Variants in MYCBP2 observed in about 807,000 individuals in gnomAD.
The protein encoded by MYCBP2 is MYC binding protein 2.
MYCBP2 carries 120 observed loss-of-function variants against 525.3 expected under a neutral mutation model. The observed-to-expected ratio is 0.23, with a 90% confidence interval of 0.20 to 0.27. MYCBP2 has a LOEUF of 0.27. Among genes scored for constraint, MYCBP2 ranks in the 10% least tolerant of loss-of-function variants. The pLI is 1.00. For missense variants in MYCBP2, 4,149 were observed against 5,657.1 expected (o/e 0.73, Z 8.55); for synonymous variants, 1,894 against 1,955.8 (o/e 0.97, Z 0.83).
chr13:77,216,767 C>T (rs376940997), intron 21 of MYCBP2, among the ~76,000 whole-genome samples: 82 of 152,062 alleles, frequency 5.4e-4, no homozygotes, highest in African/African-American at 1.8e-3. Context: ...AGACTAAAGA[C>T]ACACAACAGG....
chr13:77,105,527 T>C (rs2047718203), intron 55 of MYCBP2, among the ~76,000 whole-genome samples: 1 of 152,142 alleles, frequency 6.6e-6, no homozygotes, highest in African/African-American at 2.4e-5. Flanking sequence ...CATACTTTCA[T>C]AAAGTTATAG....
chr13:77,069,385 G>A (rs1423083090), intron 69 of MYCBP2, among the ~76,000 whole-genome samples: 1 of 152,180 alleles, frequency 6.6e-6, no homozygotes, highest in African/African-American at 2.4e-5. Context: ...CAATTTGGGA[G>A]GCCGAGGCGG....
At chr13:77,169,307 A>G (rs1429397533) in intron 39 of MYCBP2, among the ~76,000 whole-genome samples, 1 of 151,534 alleles carries the variant, frequency 6.6e-6, no homozygotes, top group African/African-American at 2.4e-5. Context: ...GAGGCAGGAG[A>G]ATGGCGTGAA....
Position 77,067,440 on chromosome 13 carries a change from C to A in MYCBP2, c.12455+141G>T, listed in dbSNP as rs696779. On this transcript the variant is annotated intron_variant, in intron 71 of 82. Transcript: ENST00000544440. ...AATGACACTTTTATTATATACATGA[C>A]CTTTTTAGATATTAGCCAGTTGTTT... The A allele has an allele frequency of 8.2e-3, 6,580 of 799,110 alleles. 38 individuals carry two copies. Among genetic ancestry groups the A allele is most frequent in the African/African-American group, 0.019 (1,089 of 57,588 alleles). The allele number at this position is 799,110 out of a possible 1,614,324, so 49.5% of individuals were successfully genotyped here.
At position 77,074,818 on chromosome 13, in the gene MYCBP2, GCAGA is replaced by G. The variant is rs536001728; in HGVS notation, c.11823+1929_11823+1932del. On this transcript the variant is annotated intron_variant, in intron 68 of 82. Coordinates refer to ENST00000544440, the MANE Select transcript of MYCBP2 (RefSeq NM_015057.5). ...TCCAGGAAAAGGCAACACAACACTGGCAGAATATAGTTCAGTAGTTGCTAGGCTC... is the reference window on the plus strand; with the variant it reads ...TCCAGGAAAAGGCAACACAACACTGGATATAGTTCAGTAGTTGCTAGGCTC... Among the ~76,000 whole-genome samples, 14 of 152,292 alleles carry G rather than the reference GCAGA, an allele frequency of 9.2e-5. No individual in the cohort carries two copies. The South Asian group carries it at 2.9e-3, about 32-fold the overall frequency.
At chr13:77,283,002 CCAGTCT>C (rs1030601692) in intron 3 of MYCBP2, among the ~76,000 whole-genome samples, 5 of 152,096 alleles carry the variant, frequency 3.3e-5, no homozygotes, top group Non-Finnish European at 7.4e-5. Context: ...TCCTCTGTCT[CCAGTCT>C]CACTCACCAC....
chr13:77,278,006 T>C (rs1407281748), intron 4 of MYCBP2, among the ~76,000 whole-genome samples: 1 of 152,194 alleles, frequency 6.6e-6, no homozygotes, highest in African/African-American at 2.4e-5. Flanking sequence ...GGGTCACTGA[T>C]ATGAAAGGCA....
At chr13:77,201,463 T>G (rs2062544516) in intron 26 of MYCBP2, among the ~76,000 whole-genome samples, 1 of 152,158 alleles carries the variant, frequency 6.6e-6, no homozygotes, top group Admixed American at 6.5e-5. Flanking sequence ...AACACCCCAC[T>G]GTCAACATCA....
intron 5 of MYCBP2, among the ~76,000 whole-genome samples, chr13:77,272,088 G>C (rs890990642): frequency 2.0e-5 from 3 of 152,150 alleles, no homozygotes; most frequent in African/African-American, 7.2e-5. Context: ...AAATATTGGA[G>C]ACAGATAAGC....
At chr13:77,297,027 C>G (rs951773670) in intron 1 of MYCBP2, among the ~76,000 whole-genome samples, 3 of 152,108 alleles carry the variant, frequency 2.0e-5, no homozygotes, top group Non-Finnish European at 4.4e-5. Flanking sequence ...GAAAAAAAAT[C>G]TGCTCTTTTT....
intron 40 of MYCBP2, 99 bp from the exon 41 acceptor site, chr13:77,166,653 A>G: frequency 1.4e-6 from 1 of 692,560 alleles, no homozygotes; most frequent in African/African-American, 1.8e-5. Flanking sequence ...CTTTTATTAA[A>G]TGACACAACA....
intron 82 of MYCBP2, among the ~76,000 whole-genome samples, chr13:77,050,039 T>C (rs1431641070): frequency 1.3e-5 from 2 of 152,072 alleles, no homozygotes; most frequent in African/African-American, 4.8e-5. Flanking sequence ...ATGCGTAATA[T>C]TAGCCACTAC....
chr13:77,150,589 A>T, intron 47 of MYCBP2, 145 bp downstream of exon 47: 1 of 668,954 alleles, frequency 1.5e-6, no homozygotes, highest in Non-Finnish European at 2.5e-6. Flanking sequence ...GGATAACATC[A>T]TCTTAATAAG....
intron 63 of MYCBP2, 97 bp downstream of exon 63, chr13:77,082,935 T>G: frequency 8.2e-7 from 1 of 1,218,696 alleles, no homozygotes; most frequent in Non-Finnish European, 1.1e-6. Flanking sequence ...GATTCTATCT[T>G]ACTATTTAAA....
chr13:77,099,761 C>T (rs1004942392), intron 55 of MYCBP2: 1 of 152,062 alleles, frequency 6.6e-6, no homozygotes. Context: ...TGTGGACCCT[C>T]AAAACAAGGA....
intron 7 of MYCBP2, 107 bp from the exon 8 acceptor site, chr13:77,268,044 A>T: frequency 1.6e-6 from 1 of 633,902 alleles, no homozygotes; most frequent in East Asian, 2.8e-5. Context: ...ATAATACATC[A>T]ATATTGATGT....
intron 10 of MYCBP2, among the ~76,000 whole-genome samples, chr13:77,262,667 T>A (rs1170518923): frequency 6.6e-6 from 1 of 151,948 alleles, no homozygotes; most frequent in South Asian, 2.1e-4. Context: ...CTTATATAGC[T>A]ACTCCATCAA....
Position 77,285,515 on chromosome 13 carries a change from G to A in MYCBP2, c.594+2646C>T, listed in dbSNP as rs558844648. ...AAGAAAGAAGCTATTGGCCAGGCAC[G>A]GTGACTCACACCTGTAATCCCAGCA... On this transcript the variant is annotated intron_variant, in intron 3 of 82. Transcript: ENST00000544440. Among the ~76,000 whole-genome samples, 5 of 152,180 alleles carry A rather than the reference G, an allele frequency of 3.3e-5. 1 individual carries two copies. In the South Asian group the frequency reaches 6.2e-4, roughly 19 times the overall value.
intron 1 of MYCBP2, among the ~76,000 whole-genome samples, chr13:77,316,188 T>A (rs571620495): frequency 6.6e-6 from 1 of 152,154 alleles, no homozygotes; most frequent in Non-Finnish European, 1.5e-5. Flanking sequence ...TTTACAAAAC[T>A]ATTAAAGTTA....
Sources: gnomAD v4.1 joint callset for allele counts (sites outside exome capture counted in the v4.1 genomes callset) on GRCh38, gnomAD v4.1.1 for gene constraint, MANE v1.5 for transcripts, NCBI Gene and HGNC (gene_info 2026-07-23, HGNC 2026-07-21) for gene names.